The following STK17A variants were observed in gnomAD, a reference collection of about 807,000 sequenced individuals.
STK17A encodes the protein serine/threonine kinase 17a, also known as serine/threonine-protein kinase 17A.
Under a neutral mutation model 43.7 loss-of-function variants are expected in STK17A, and 26 were observed. The observed-to-expected ratio is 0.60, with a 90% CI of 0.44 to 0.83. The LOEUF (loss-of-function observed/expected upper bound fraction) is 0.83. Among genes scored for constraint, STK17A ranks in the 40% least tolerant of loss-of-function variants. The pLI is 0.00. For missense variants in STK17A, 476 were observed against 511.6 expected (o/e 0.93, Z 0.67); for synonymous variants, 191 against 182.5 (o/e 1.05, Z -0.38).
rs1200803950 is a variant in STK17A, at chr7:43,625,483, AAG to A, written c.*646_*647del. On this transcript the variant is annotated 3_prime_UTR_variant, in exon 7 of 7. Coordinates refer to ENST00000319357, the MANE Select transcript of STK17A (RefSeq NM_004760.3). The stretch of plus-strand genomic sequence containing the variant: ...TTTTTTTCTCTTCAATGTCACTAGT[AAG>A]AGAGGTGGTAATTTTTCACCTCTGA... 6.6e-6 allele frequency: 1 copy of A among 152,196 alleles called. No individual in the cohort carries two copies. Among genetic ancestry groups the A allele is most frequent in the South Asian group, 2.1e-4 (1 of 4,834 alleles). The allele number at this position is 152,196 out of a possible 1,614,324, so 9.4% of individuals were successfully genotyped here.
At chr7:43,608,766 ATT>A (rs1212925660) in intron 3 of STK17A, 3 of 161,468 alleles carry the variant, frequency 1.9e-5, no homozygotes, top group Non-Finnish European at 2.7e-5. Flanking sequence ...AAATGGAATC[ATT>A]TCACTGGAAT....
intron 3 of STK17A, among the ~76,000 whole-genome samples, chr7:43,617,050 G>A (rs534566326): frequency 6.6e-6 from 1 of 152,356 alleles, no homozygotes; most frequent in South Asian, 2.1e-4. Flanking sequence ...GTTCTAGACT[G>A]AGGGAATACC....
intron 2 of STK17A, among the ~76,000 whole-genome samples, chr7:43,600,597 T>G (rs1365054333): frequency 6.6e-6 from 1 of 152,226 alleles, no homozygotes; most frequent in African/African-American, 2.4e-5. Context: ...AAGTTGTGAA[T>G]TTCCACCTAT....
chr7:43,617,599 A>T (rs1437359513), intron 3 of STK17A, among the ~76,000 whole-genome samples: 1 of 152,106 alleles, frequency 6.6e-6, no homozygotes, highest in Non-Finnish European at 1.5e-5. Context: ...ATGATTTAGG[A>T]AGGAAAATAG....
At chr7:43,596,156 C>T in intron 2 of STK17A, 43 bp downstream of exon 2, 1 of 1,549,072 alleles carries the variant, frequency 6.5e-7, no homozygotes, top group South Asian at 1.2e-5. Flanking sequence ...TGGTAGTCTA[C>T]ACTTCCTTTA....
At chr7:43,589,113 A>G (rs2082462689) in intron 1 of STK17A, among the ~76,000 whole-genome samples, 1 of 151,598 alleles carries the variant, frequency 6.6e-6, no homozygotes, top group Non-Finnish European at 1.5e-5. Flanking sequence ...AGAGAATGGC[A>G]AGTAGTCCAG....
Position 43,583,445 on chromosome 7 carries a change from G to A in STK17A, c.202G>A (p.Gly68Ser), listed in dbSNP as rs1366843016. The A allele has an allele frequency of 2.2e-6, 3 of 1,346,328 alleles. No individual in the cohort carries two copies. The highest frequency in any genetic ancestry group is 2.9e-6 in the Non-Finnish European group (3 of 1,051,666). The allele number at this position is 1,346,328 out of a possible 1,614,324, so 83.4% of individuals were successfully genotyped here. A position where few individuals can be genotyped will look rare whatever the true frequency, so the allele number is the denominator to read the frequency against. The change falls in exon 1 of 7, where the codon GGC becomes AGC. Residue 68 changes from glycine (G) to serine (S), a missense_variant. Gly to Ser is a moderately conservative substitution (Grantham distance 56). Transcript: ENST00000319357. Reference protein sequence around the residue: ...GYSLCPGRELGRGKFAVVRKC... With the variant: ...GYSLCPGRELSRGKFAVVRKC... ...CAGCCTGTGCCCGGGCCGGGAGCTGGGCAGGTGAGGACGGGCGGGGCCCGG... is the reference window on the plus strand; with the variant it reads ...CAGCCTGTGCCCGGGCCGGGAGCTGAGCAGGTGAGGACGGGCGGGGCCCGG...
chr7:43,605,215 T>C (rs770527171), intron 2 of STK17A, among the ~76,000 whole-genome samples: 2 of 152,222 alleles, frequency 1.3e-5, no homozygotes, highest in Non-Finnish European at 2.9e-5. Flanking sequence ...TTTTCAGATA[T>C]CTAGAAATTT....
chr7:43,618,432 GCA>G (rs1383047675), intron 3 of STK17A, among the ~76,000 whole-genome samples: 2 of 152,152 alleles, frequency 1.3e-5, no homozygotes, highest in Non-Finnish European at 2.9e-5. Context: ...TTGATTTGGA[GCA>G]CAGATTGCCT....
intron 1 of STK17A, among the ~76,000 whole-genome samples, chr7:43,586,592 A>G (rs1412128139): frequency 6.6e-6 from 1 of 151,472 alleles, no homozygotes; most frequent in Non-Finnish European, 1.5e-5. Flanking sequence ...TTGGGTTCTG[A>G]TAATTTTTTC....
chr7:43,589,694 C>T lies in STK17A; in HGVS notation c.207-6207C>T, dbSNP rs539873056. On this transcript the variant is annotated intron_variant, in intron 1 of 6. Coordinates refer to ENST00000319357, the MANE Select transcript of STK17A (RefSeq NM_004760.3). ...CCTTTCCTTTCTCCTCTCATCTCTG[C>T]GTACAACTCACACCTGCCAGGGAGT... Among the ~76,000 whole-genome samples the T allele has an allele frequency of 1.5e-4, 22 of 142,438 alleles. 1 individual carries two copies. Among genetic ancestry groups the T allele is most frequent in the African/African-American group, 2.5e-4 (10 of 40,544 alleles). 93.4% of individuals were successfully genotyped at this position (142,438 alleles called of 152,430 possible).
Position 43,612,336 on chromosome 7 carries a change from C to G in STK17A, c.564+3936C>G, listed in dbSNP as rs555468083. Among the ~76,000 whole-genome samples, 115 of 152,256 alleles carry G rather than the reference C, an allele frequency of 7.6e-4. 3 individuals carry two copies. In the South Asian group the frequency reaches 0.023, roughly 31 times the overall value. ...GGGGTTGGTATGGCAACCATGCATGCGGGAGTGATTTCTACTAAAAGGTCA... is the reference window on the plus strand; with the variant it reads ...GGGGTTGGTATGGCAACCATGCATGGGGGAGTGATTTCTACTAAAAGGTCA... On this transcript the variant is annotated intron_variant, in intron 3 of 6. Coordinates refer to ENST00000319357, the MANE Select transcript of STK17A (RefSeq NM_004760.3).
At chr7:43,592,067 G>A (rs2082483797) in intron 1 of STK17A, among the ~76,000 whole-genome samples, 1 of 151,530 alleles carries the variant, frequency 6.6e-6, no homozygotes. Flanking sequence ...TATATGTTGA[G>A]ACTTCATTTC....
chr7:43,614,376 AGATTTTGTGTGCCACAACTTCTTTATAAT>A (rs1320521378), intron 3 of STK17A, among the ~76,000 whole-genome samples: 2 of 152,218 alleles, frequency 1.3e-5, no homozygotes, highest in Non-Finnish European at 2.9e-5. Flanking sequence ...AAATAGAACT[AGATTTTGTGTGCCACAACTTCTTTATAAT>A]GAACTGGATT....
At chr7:43,620,108 T>C (rs944381528) in intron 4 of STK17A, among the ~76,000 whole-genome samples, 5 of 152,176 alleles carry the variant, frequency 3.3e-5, no homozygotes, top group Non-Finnish European at 2.9e-5. Context: ...TGAGGCTCCA[T>C]AGAAGTGTGG....
chr7:43,619,768 C>A, intron 4 of STK17A, 45 bp downstream of exon 4: 1 of 1,600,068 alleles, frequency 6.2e-7, no homozygotes, highest in Non-Finnish European at 8.5e-7. Context: ...CAGGCATCAC[C>A]TTCATTAGGG....
chr7:43,605,681 C>T (rs2082584038), intron 2 of STK17A, among the ~76,000 whole-genome samples: 1 of 151,798 alleles, frequency 6.6e-6, no homozygotes. Context: ...GGTTCCTCCC[C>T]TACCCTATAC....
intron 1 of STK17A, among the ~76,000 whole-genome samples, chr7:43,586,845 TTACAAA>T (rs1319317683): frequency 6.6e-6 from 1 of 151,522 alleles, no homozygotes; most frequent in Non-Finnish European, 1.5e-5. Flanking sequence ...AGGAAAAAAG[TTACAAA>T]TACAAGTTCC....
intron 4 of STK17A, chr7:43,623,200 G>C (rs758917408): frequency 1.6e-4 from 29 of 177,118 alleles, no homozygotes; most frequent in Non-Finnish European, 2.9e-4. Flanking sequence ...AGTGCCACGG[G>C]TGAGGGTGGG....
Sources: gnomAD v4.1 joint callset for allele counts (sites outside exome capture counted in the v4.1 genomes callset) on GRCh38, gnomAD v4.1.1 for gene constraint, MANE v1.5 for transcripts, NCBI Gene and HGNC (gene_info 2026-07-23, HGNC 2026-07-21) for gene names.